Variants in MARCHF7 observed in about 807,000 individuals in gnomAD.
MARCHF7 encodes the protein membrane associated ring-CH-type finger 7, also known as E3 ubiquitin-protein ligase MARCHF7.
In MARCHF7, 20 loss-of-function variants were observed where a neutral mutation model predicts 76.5. The observed-to-expected ratio is 0.26, with a 90% confidence interval of 0.18 to 0.38. The LOEUF (loss-of-function observed/expected upper bound fraction) is 0.38. MARCHF7 is among the 10% of genes least tolerant of loss of function. The pLI is 1.00. For synonymous variants in MARCHF7, 295 were observed against 293.0 expected (o/e 1.01, Z -0.07); for missense variants, 797 against 812.9 (o/e 0.98, Z 0.24).
chr2:159,750,286 G>A (rs1705470071), intron 7 of MARCHF7, among the ~76,000 whole-genome samples: 1 of 152,196 alleles, frequency 6.6e-6, no homozygotes, highest in South Asian at 2.1e-4. Context: ...CAGCACTTTG[G>A]GAGGCCAAGG....
chr2:159,727,541 T>G (rs1367581787), intron 3 of MARCHF7, among the ~76,000 whole-genome samples: 2 of 152,238 alleles, frequency 1.3e-5, no homozygotes, highest in East Asian at 3.9e-4. Flanking sequence ...TGAGCCGAGA[T>G]CGTGCCACTT....
intron 10 of MARCHF7, 65 bp from the exon 11 acceptor site, chr2:159,764,561 T>C (rs376582829): frequency 7.7e-7 from 1 of 1,297,464 alleles, no homozygotes; most frequent in Non-Finnish European, 1.1e-6. Context: ...TCTCCTATAC[T>C]GATTCTCTCT....
At chr2:159,741,413 T>C (rs530554267) in intron 4 of MARCHF7, among the ~76,000 whole-genome samples, 5 of 152,132 alleles carry the variant, frequency 3.3e-5, no homozygotes, top group African/African-American at 1.2e-4. Flanking sequence ...TGTTGTTTAT[T>C]TGTAATGTCT....
intron 8 of MARCHF7, among the ~76,000 whole-genome samples, chr2:159,755,052 A>G (rs1203768469): frequency 2.0e-5 from 3 of 152,276 alleles, no homozygotes; most frequent in African/African-American, 7.2e-5. Context: ...TTGCCAGGCA[A>G]ATATGATGAA....
chr2:159,725,722 A>C (rs1702089159), intron 3 of MARCHF7, among the ~76,000 whole-genome samples: 1 of 152,048 alleles, frequency 6.6e-6, no homozygotes, highest in Non-Finnish European at 1.5e-5. Context: ...ATTGTTGTTT[A>C]CTTTGGTCCT....
At chr2:159,741,315 CACT>C (rs1704093976) in intron 4 of MARCHF7, among the ~76,000 whole-genome samples, 2 of 152,216 alleles carry the variant, frequency 1.3e-5, no homozygotes, top group South Asian at 4.1e-4. Context: ...TGTGCCACTG[CACT>C]CCAGCCTGGG....
At chr2:159,739,134 G>GC (rs36112536) in intron 4 of MARCHF7, among the ~76,000 whole-genome samples, 1 of 152,210 alleles carries the variant, frequency 6.6e-6, no homozygotes, top group Non-Finnish European at 1.5e-5. Context: ...GGCTTCTCAG[G>GC]CCCCTGAGAG....
intron 7 of MARCHF7, among the ~76,000 whole-genome samples, chr2:159,749,628 A>G (rs918651164): frequency 2.0e-5 from 3 of 152,092 alleles, no homozygotes; most frequent in African/African-American, 7.2e-5. Context: ...GATTACAGGC[A>G]TGAGTCACTA....
Position 159,767,484 on chromosome 2 carries a change from T to C in MARCHF7, c.*142T>C. Reference sequence around the variant, plus strand: ...GAATATATACATACACATGTATGCCTGTATATATATATTCATTCTCCAGTG... The same window carrying C: ...GAATATATACATACACATGTATGCCCGTATATATATATTCATTCTCCAGTG... On this transcript the variant is annotated 3_prime_UTR_variant, in exon 12 of 12. Transcript: ENST00000409175. The C allele has an allele frequency of 1.9e-6, 1 of 522,450 alleles. No individual in the cohort carries two copies. The highest frequency in any genetic ancestry group is 3.3e-6 in the Non-Finnish European group (1 of 299,730). The allele number at this position is 522,450 out of a possible 1,614,324, so 32.4% of individuals were successfully genotyped here. A position where few individuals can be genotyped will look rare whatever the true frequency, so the allele number is the denominator to read the frequency against.
chr2:159,752,947 C>T (rs73967906), intron 8 of MARCHF7, among the ~76,000 whole-genome samples: 9,653 of 152,134 alleles, frequency 0.063, 986 homozygotes, highest in African/African-American at 0.22. Flanking sequence ...TGGCAAATTA[C>T]GATTATAGGC....
intron 11 of MARCHF7, among the ~76,000 whole-genome samples, chr2:159,765,413 T>G (rs16844315): frequency 0.14 from 20,731 of 152,080 alleles, 1,776 homozygotes; most frequent in African/African-American, 0.23. Flanking sequence ...CTTCATACCA[T>G]GTGGGCATAG....
intron 8 of MARCHF7, among the ~76,000 whole-genome samples, chr2:159,758,310 C>T (rs543402366): frequency 6.6e-6 from 1 of 152,244 alleles, no homozygotes; most frequent in African/African-American, 2.4e-5. Context: ...TGGAAGTTTT[C>T]TTTTTCTTTT....
chr2:159,763,670 G>A (rs768464038), intron 10 of MARCHF7, among the ~76,000 whole-genome samples: 6 of 152,136 alleles, frequency 3.9e-5, no homozygotes, highest in African/African-American at 7.2e-5. Flanking sequence ...CTTGAAATGT[G>A]TTCATAAGTA....
chr2:159,767,350 TA>T lies in MARCHF7; in HGVS notation c.*10del. ...ACATTTGATATTGCCTAACTTCATA[TA>T]AGACAGATGGATGATCTGTGAACAT... On this transcript the variant is annotated 3_prime_UTR_variant, in exon 12 of 12. Coordinates refer to ENST00000409175, the MANE Select transcript of MARCHF7 (RefSeq NM_001282805.2). 2 of 1,597,604 alleles carry T rather than the reference TA, an allele frequency of 1.3e-6. No homozygotes were observed. Among genetic ancestry groups the T allele is most frequent in the Non-Finnish European group, 1.7e-6 (2 of 1,165,558 alleles).
At position 159,727,588 on chromosome 2, in the gene MARCHF7, A is replaced by C. The variant is rs1293201387; in HGVS notation, c.-14-1421A>C. 4.0e-5 allele frequency among the ~76,000 whole-genome samples: 6 copies of C among 149,688 alleles called. No homozygotes were observed. The South Asian group carries it at 1.3e-3, about 31-fold the overall frequency. On this transcript the variant is annotated intron_variant, in intron 3 of 11. Coordinates refer to ENST00000409175, the MANE Select transcript of MARCHF7 (RefSeq NM_001282805.2). ...GGGCAACAGAGTGAGACTCCGTCTC[A>C]GAAAAAAAAAGCTTTTTAAATTATA... is the stretch of plus-strand genomic sequence containing the variant.
intron 4 of MARCHF7, among the ~76,000 whole-genome samples, chr2:159,740,627 C>A (rs1485943721): frequency 6.6e-6 from 1 of 152,160 alleles, no homozygotes; most frequent in African/African-American, 2.4e-5. Context: ...AATTTCATTT[C>A]TTGTGCTAGC....
rs1321982855 is a variant in MARCHF7, at chr2:159,719,875, G to A, written c.-15+4109G>A. 5.9e-5 allele frequency among the ~76,000 whole-genome samples: 9 copies of A among 152,134 alleles called. No individual in the cohort carries two copies. In the South Asian group the frequency reaches 1.2e-3, roughly 21 times the overall value. ...GATATGGGCATATTCTTCTGTCGGGGCATTAGTATGGTGGGTTGACTTTGT... is the reference window on the plus strand; with the variant it reads ...GATATGGGCATATTCTTCTGTCGGGACATTAGTATGGTGGGTTGACTTTGT... On this transcript the variant is annotated intron_variant, in intron 3 of 11. Transcript: ENST00000409175.
At chr2:159,760,453 C>T (rs925034198) in intron 9 of MARCHF7, among the ~76,000 whole-genome samples, 1 of 152,156 alleles carries the variant, frequency 6.6e-6, no homozygotes, top group African/African-American at 2.4e-5. Flanking sequence ...TTGTTTTATT[C>T]TCTGATGCAC....
chr2:159,717,573 T>C (rs1180202084), intron 3 of MARCHF7, among the ~76,000 whole-genome samples: 1 of 152,230 alleles, frequency 6.6e-6, no homozygotes, highest in Non-Finnish European at 1.5e-5. Context: ...ATTTTAACTT[T>C]ATCTTTCACT....
Sources: allele counts gnomAD v4.1 joint callset (sites outside exome capture counted in the v4.1 genomes callset), GRCh38; gene constraint gnomAD v4.1.1; transcripts MANE v1.5; gene names NCBI Gene and HGNC (gene_info 2026-07-23, HGNC 2026-07-21).